The following CSMD2 variants were observed in gnomAD, a reference collection of about 807,000 sequenced individuals.
CSMD2 encodes CUB and sushi domain-containing protein 2.
Under a neutral mutation model 398.5 loss-of-function variants are expected in CSMD2, and 130 were observed. The observed-to-expected ratio is 0.33, with a 90% CI of 0.28 to 0.38. CSMD2 has a LOEUF of 0.38. Among genes scored for constraint, CSMD2 ranks in the 10% least tolerant of loss-of-function variants. The pLI, the probability that CSMD2 is intolerant of heterozygous loss-of-function variation, is 1.00. For missense variants in CSMD2, 3,829 were observed against 4,764.9 expected (o/e 0.80, Z 5.78); for synonymous variants, 1,828 against 1,908.5 (o/e 0.96, Z 1.10).
intron 5 of CSMD2, among the ~76,000 whole-genome samples, chr1:33,850,096 T>C (rs115112594): frequency 2.5e-4 from 38 of 152,254 alleles, no homozygotes; most frequent in Non-Finnish European, 4.9e-4. Flanking sequence ...TTCTGCCTGC[T>C]ACACTGGCAC....
intron 52 of CSMD2, 138 bp downstream of exon 52, chr1:33,569,236 A>T (rs1350867776): frequency 3.4e-6 from 3 of 875,720 alleles, no homozygotes; most frequent in Non-Finnish European, 4.9e-6. Flanking sequence ...CCTGATGGCC[A>T]ATAGTTGGTG....
chr1:34,152,530 A>G (rs1006443219), intron 1 of CSMD2, among the ~76,000 whole-genome samples: 6 of 152,080 alleles, frequency 3.9e-5, no homozygotes, highest in East Asian at 3.9e-4. Flanking sequence ...ACCTGGAACA[A>G]CCCACTCTCA....
At chr1:33,587,005 A>G (rs7526990) in intron 45 of CSMD2, 83 bp downstream of exon 45, 682,890 of 1,055,042 alleles carry the variant, frequency 0.65, 222,245 homozygotes, top group East Asian at 0.77. Flanking sequence ...GATAAGGTCC[A>G]CTGGCCCGAC....
intron 2 of CSMD2, among the ~76,000 whole-genome samples, chr1:34,075,522 C>T (rs994171667): frequency 2.6e-5 from 4 of 152,174 alleles, no homozygotes; most frequent in Non-Finnish European, 5.9e-5. Flanking sequence ...CTACATTGCA[C>T]CTTAGGCTGA....
At chr1:33,617,688 G>A (rs543647611) in intron 37 of CSMD2, 71 bp from the exon 38 acceptor site, 168 of 1,148,432 alleles carry the variant, frequency 1.5e-4, no homozygotes, top group Non-Finnish European at 2.1e-4. Flanking sequence ...GTAGGCTGGG[G>A]TGAGATGCTG....
At chr1:33,562,481 T>A (rs752088993) in intron 53 of CSMD2, among the ~76,000 whole-genome samples, 1 of 152,322 alleles carries the variant, frequency 6.6e-6, no homozygotes, top group East Asian at 1.9e-4. Context: ...TTGACTGGGA[T>A]GGAAGTTCTT....
chr1:33,577,511 A>T, intron 48 of CSMD2, 27 bp from the exon 49 acceptor site: 3 of 1,580,602 alleles, frequency 1.9e-6, no homozygotes, highest in Non-Finnish European at 1.7e-6. Context: ...GGTTCAGGGA[A>T]CTGGCACCAG....
At chr1:33,805,449 C>T (rs1436794809) in intron 10 of CSMD2, among the ~76,000 whole-genome samples, 2 of 152,040 alleles carry the variant, frequency 1.3e-5, no homozygotes, top group African/African-American at 2.4e-5. Flanking sequence ...TGGTTCCAGG[C>T]ACCCGGACCA....
intron 10 of CSMD2, among the ~76,000 whole-genome samples, chr1:33,797,193 C>T (rs576388503): frequency 9.2e-5 from 14 of 152,282 alleles, no homozygotes; most frequent in African/African-American, 3.4e-4. Flanking sequence ...GTGACCTACT[C>T]CCTGTTCTTG....
At chr1:33,525,831 T>C (rs1654722766) in intron 65 of CSMD2, among the ~76,000 whole-genome samples, 1 of 152,120 alleles carries the variant, frequency 6.6e-6, no homozygotes, top group African/African-American at 2.4e-5. Flanking sequence ...ATTACAGGCA[T>C]GCACCACCAT....
chr1:33,973,960 C>T (rs1457577090), intron 3 of CSMD2, among the ~76,000 whole-genome samples: 1 of 152,166 alleles, frequency 6.6e-6, no homozygotes, highest in Admixed American at 6.5e-5. Context: ...CTCTGCTCAG[C>T]CACATGGATG....
rs1643802621 is a variant in CSMD2 at position 33,652,317 on chromosome 1, A to T, written c.4586+6T>A. On this transcript the variant is annotated splice_donor_region_variant and intron_variant, in intron 28 of 70. Coordinates refer to ENST00000373381, the MANE Select transcript of CSMD2 (RefSeq NM_001281956.2). ...TTCGTCTCCCACCCGGGGGAAAGGT[A>T]CATACATGTTAAATACCAGGGCGAT... The T allele has an allele frequency of 1.2e-6, 2 of 1,614,068 alleles. No homozygotes were observed. Among genetic ancestry groups the T allele is most frequent in the Non-Finnish European group, 1.7e-6 (2 of 1,179,950 alleles).
intron 1 of CSMD2, among the ~76,000 whole-genome samples, chr1:34,133,888 G>T (rs1189168311): frequency 6.6e-6 from 1 of 151,768 alleles, no homozygotes; most frequent in Non-Finnish European, 1.5e-5. Flanking sequence ...GGCCAACATG[G>T]TGAAATCCCG....
chr1:33,583,916 C>A, intron 46 of CSMD2, 86 bp from the exon 47 acceptor site: 7 of 1,125,216 alleles, frequency 6.2e-6, no homozygotes, highest in Non-Finnish European at 9.1e-6. Flanking sequence ...ATACTAAAGA[C>A]AACCCCTAGA....
Position 33,518,234 on chromosome 1 carries a change from G to A in CSMD2, c.*53+1231C>T, listed in dbSNP as rs970685662. Among the ~76,000 whole-genome samples, 1 of 152,244 alleles carries A rather than the reference G, an allele frequency of 6.6e-6. No individual in the cohort carries two copies. The highest frequency in any genetic ancestry group is 6.5e-5 in the Admixed American group (1 of 15,294). ...GACAGTTCTCAGAGGGGTGCAGCTTGGACATCGTGTTGGGGCAACTCCTGA... is the reference window on the plus strand; with the variant it reads ...GACAGTTCTCAGAGGGGTGCAGCTTAGACATCGTGTTGGGGCAACTCCTGA... On this transcript the variant is annotated intron_variant, in intron 70 of 70. Transcript: ENST00000373381. This position sits in a 1 kb window ranked among gnomAD's most constrained non-coding sequence, Gnocchi z 4.3.
At chr1:33,720,218 G>A (rs190988000) in intron 19 of CSMD2, among the ~76,000 whole-genome samples, 60 of 152,280 alleles carry the variant, frequency 3.9e-4, no homozygotes, top group Middle Eastern at 3.4e-3. Context: ...CTTATGTGCC[G>A]GGCATAGAGC....
At chr1:33,760,793 T>C (rs535628552) in intron 13 of CSMD2, among the ~76,000 whole-genome samples, 1 of 152,136 alleles carries the variant, frequency 6.6e-6, no homozygotes, top group Non-Finnish European at 1.5e-5. Flanking sequence ...ATCCCCACTC[T>C]GCTGCTGATG....
At chr1:33,806,291 T>G (rs1036007920) in intron 10 of CSMD2, among the ~76,000 whole-genome samples, 1 of 152,210 alleles carries the variant, frequency 6.6e-6, no homozygotes, top group Admixed American at 6.5e-5. Flanking sequence ...CCACTGAGAA[T>G]TCACAACAGT....
chr1:34,104,176 C>T (rs929676434), intron 1 of CSMD2, among the ~76,000 whole-genome samples: 1 of 152,136 alleles, frequency 6.6e-6, no homozygotes, highest in Non-Finnish European at 1.5e-5. Context: ...TTTTGCCGCA[C>T]TAGTGAATGT....
Sources: allele counts gnomAD v4.1 joint callset (sites outside exome capture counted in the v4.1 genomes callset), GRCh38; gene constraint gnomAD v4.1.1; non-coding constraint Gnocchi (gnomAD v3.1); transcripts MANE v1.5; gene names NCBI Gene and HGNC (gene_info 2026-07-23, HGNC 2026-07-21).